The following EFR3A variants were observed in gnomAD, a reference collection of about 807,000 sequenced individuals.
The protein encoded by EFR3A is EFR3 homolog A.
In EFR3A, 76 loss-of-function variants were observed where a neutral mutation model predicts 104.4. The observed-to-expected ratio is 0.73, with a 90% CI of 0.60 to 0.88. The LOEUF (loss-of-function observed/expected upper bound fraction) is 0.88, where lower values mean the gene tolerates loss of function less well. Ranked by LOEUF, EFR3A falls within the 40% of genes least tolerant of loss-of-function variation. EFR3A has a pLI of 0.00. For missense variants in EFR3A, 985 were observed against 1,012.5 expected (o/e 0.97, Z 0.37); for synonymous variants, 330 against 330.0 (o/e 1.00, Z 0.00).
chr8:131,927,076 C>T (rs896423947), intron 1 of EFR3A, among the ~76,000 whole-genome samples: 3 of 152,144 alleles, frequency 2.0e-5, no homozygotes, highest in African/African-American at 7.2e-5. Context: ...GAATAAACCA[C>T]AGCTCTGCCC....
chr8:131,997,860 T>C (rs1821575943), intron 19 of EFR3A, among the ~76,000 whole-genome samples: 1 of 152,046 alleles, frequency 6.6e-6, no homozygotes, highest in Non-Finnish European at 1.5e-5. Context: ...TAGAGAACAC[T>C]TGAAACTGTT....
chr8:131,975,481 A>G (rs891223930), intron 10 of EFR3A, among the ~76,000 whole-genome samples: 3 of 131,822 alleles, frequency 2.3e-5, no homozygotes, highest in Non-Finnish European at 4.6e-5. Flanking sequence ...CAGTGGCACG[A>G]TCTTGGCTCA....
In EFR3A at chr8:131,944,979, T is replaced by C. The variant is rs1818362315; in HGVS notation, c.215+107T>C. On this transcript the variant is annotated intron_variant, in intron 3 of 22. Coordinates refer to ENST00000254624, the MANE Select transcript of EFR3A (RefSeq NM_015137.6). Reference sequence around the variant, plus strand: ...CATTTAGTGAGACAAAGATAATATATAGAGGATAAAACATTGTAATATTAT... The same window carrying C: ...CATTTAGTGAGACAAAGATAATATACAGAGGATAAAACATTGTAATATTAT... 1.2e-5 allele frequency: 15 copies of C among 1,225,786 alleles called. No individual in the cohort carries two copies. The South Asian group carries it at 1.4e-4, about 12-fold the overall frequency. 75.9% of individuals were successfully genotyped at this position (1,225,786 alleles called of 1,614,324 possible).
chr8:131,953,234 A>G (rs907094802), intron 5 of EFR3A, among the ~76,000 whole-genome samples: 1 of 152,168 alleles, frequency 6.6e-6, no homozygotes, highest in Admixed American at 6.5e-5. Flanking sequence ...TTTAAGTCAC[A>G]TTATCAGATT....
At chr8:132,010,407 G>GATATATATATATAT (rs66644698) in intron 22 of EFR3A, among the ~76,000 whole-genome samples, 105 of 81,812 alleles carry the variant, frequency 1.3e-3, no homozygotes, top group African/African-American at 2.8e-3. Context: ...TCAAGTATGA[G>GATATATATATATAT]ATATATATAT....
intron 1 of EFR3A, among the ~76,000 whole-genome samples, chr8:131,929,666 G>T (rs1013240288): frequency 6.6e-6 from 1 of 152,112 alleles, no homozygotes; most frequent in Non-Finnish European, 1.5e-5. Context: ...AGTGCCTAGG[G>T]CATGGTAGGC....
intron 5 of EFR3A, among the ~76,000 whole-genome samples, chr8:131,952,742 T>C (rs1818771617): frequency 6.6e-6 from 1 of 152,174 alleles, no homozygotes; most frequent in African/African-American, 2.4e-5. Context: ...TGTCTTCCAA[T>C]TCATTTTTCT....
intron 14 of EFR3A, among the ~76,000 whole-genome samples, chr8:131,980,629 T>C (rs947966200): frequency 6.6e-6 from 1 of 152,144 alleles, no homozygotes; most frequent in Non-Finnish European, 1.5e-5. Flanking sequence ...AATTAACATA[T>C]CCATTTTCTT....
At chr8:131,931,990 G>A (rs1234100073) in intron 1 of EFR3A, among the ~76,000 whole-genome samples, 1 of 152,042 alleles carries the variant, frequency 6.6e-6, no homozygotes, top group Non-Finnish European at 1.5e-5. Context: ...CATAATTAAT[G>A]ATAGCACCCC....
At chr8:131,949,730 CTTGAGCCTAGGAATTCAAGGCTCA>C (rs988505643) in intron 4 of EFR3A, among the ~76,000 whole-genome samples, 5 of 151,570 alleles carry the variant, frequency 3.3e-5, no homozygotes, top group African/African-American at 1.2e-4. Flanking sequence ...GGGAGGATCA[CTTGAGCCTAGGAATTCAAGGCTCA>C]GTGAGCTATG....
At chr8:132,010,508 T>C (rs952283962) in intron 22 of EFR3A, among the ~76,000 whole-genome samples, 5 of 148,856 alleles carry the variant, frequency 3.4e-5, no homozygotes, top group Non-Finnish European at 5.9e-5. Context: ...AATAATTTTT[T>C]ACTAATGAAA....
intron 2 of EFR3A, among the ~76,000 whole-genome samples, chr8:131,943,949 G>C (rs12547719): frequency 0.028 from 4,274 of 152,148 alleles, 134 homozygotes; most frequent in South Asian, 0.13. Context: ...CAAAATATGA[G>C]GGGGTGACTC....
intron 12 of EFR3A, among the ~76,000 whole-genome samples, chr8:131,978,515 C>A (rs1364499635): frequency 6.6e-6 from 1 of 152,132 alleles, no homozygotes; most frequent in Non-Finnish European, 1.5e-5. Flanking sequence ...ACCTTAACCT[C>A]TCTGTGCCTC....
rs778377271 is a variant in EFR3A, at chr8:132,003,255, G to A, written c.2330G>A (p.Arg777Lys). Residue 777 changes from arginine to lysine, a missense_variant, in exon 22 of 23, where the codon AGA (arginine) becomes AAA (lysine). Arg to Lys is a conservative substitution (Grantham distance 26, BLOSUM62 2). Coordinates refer to ENST00000254624, the MANE Select transcript of EFR3A (RefSeq NM_015137.6). ...TTGCAGGCAAATTTGCTTCATGATA[G>A]ACTTGCCCAAATATTGGAACTCACC... The part of the protein sequence containing the change: ...CESKANLLHD[R>K]LAQILELTIR... 5.6e-6 allele frequency: 9 copies of A among 1,612,028 alleles called. No homozygotes were observed. The South Asian group carries it at 9.9e-5, about 18-fold the overall frequency.
intron 1 of EFR3A, among the ~76,000 whole-genome samples, chr8:131,904,889 A>G (rs893926023): frequency 2.0e-5 from 3 of 152,180 alleles, no homozygotes; most frequent in African/African-American, 7.2e-5. Context: ...TCACCCGGGC[A>G]GATGATTAAA....
At chr8:132,003,036 A>G (rs536516117) in intron 21 of EFR3A, among the ~76,000 whole-genome samples, 200 bp from the exon 22 acceptor site, 30 of 152,238 alleles carry the variant, frequency 2.0e-4, no homozygotes, top group African/African-American at 6.7e-4. Context: ...CATTGAGACG[A>G]GGAAAGGGAA....
chr8:131,917,255 C>A (rs914252440), intron 1 of EFR3A, among the ~76,000 whole-genome samples: 13 of 152,250 alleles, frequency 8.5e-5, no homozygotes, highest in African/African-American at 2.9e-4. Context: ...GAGTATCAGT[C>A]AGCTCTTGGA....
chr8:131,918,888 T>G (rs1043812193), intron 1 of EFR3A, among the ~76,000 whole-genome samples: 4 of 152,198 alleles, frequency 2.6e-5, no homozygotes, highest in Admixed American at 2.6e-4. Context: ...ATAACTCATA[T>G]CCTATTTGTG....
chr8:131,994,726 CTTA>C (rs1179483104), intron 18 of EFR3A, among the ~76,000 whole-genome samples: 2 of 152,046 alleles, frequency 1.3e-5, no homozygotes, highest in African/African-American at 2.4e-5. Context: ...ATAAAGATGG[CTTA>C]TTTAGAGATG....
Sources: gnomAD v4.1 joint callset for allele counts (sites outside exome capture counted in the v4.1 genomes callset) on GRCh38, gnomAD v4.1.1 for gene constraint, MANE v1.5 for transcripts, NCBI Gene and HGNC (gene_info 2026-07-23, HGNC 2026-07-21) for gene names.